RFTN2: variants seen among roughly 807,000 people sequenced by gnomAD.
RFTN2 encodes raftlin-2.
A neutral mutation model predicts 52.7 loss-of-function variants in RFTN2; 34 were observed. That is an observed-to-expected ratio of 0.64 (90% CI 0.49 to 0.86). The LOEUF is 0.86. Among genes scored for constraint, RFTN2 ranks in the 40% least tolerant of loss-of-function variants. The probability of loss-of-function intolerance (pLI) is 0.00; values close to 1 mark genes in which losing one functional copy is unlikely to be tolerated. For missense variants in RFTN2, 536 were observed against 600.1 expected (o/e 0.89, Z 1.12); for synonymous variants, 203 against 217.7 (o/e 0.93, Z 0.59).
intron 8 of RFTN2, among the ~76,000 whole-genome samples, chr2:197,589,034 A>G (rs2087646715): frequency 6.6e-6 from 1 of 152,014 alleles, no homozygotes; most frequent in Admixed American, 6.6e-5. Context: ...CAGCCTGGCC[A>G]ACATAGTGAA....
chr2:197,594,105 T>C (rs1339472458), intron 8 of RFTN2, among the ~76,000 whole-genome samples: 1 of 143,738 alleles, frequency 7.0e-6, no homozygotes, highest in Admixed American at 7.2e-5. Context: ...AACCTCTACC[T>C]CCTGGGTTCA....
At position 197,648,075 on chromosome 2, in the gene RFTN2, G is replaced by A. The variant is rs184639688; in HGVS notation, c.140-1409C>T. Among the ~76,000 whole-genome samples, 13 of 152,276 alleles carry A rather than the reference G, an allele frequency of 8.5e-5. No homozygotes were observed. In the East Asian group the frequency reaches 2.5e-3, roughly 29 times the overall value. ...CCAGATATGAGCCTAGTTGGCTGTT[G>A]ACCTCTGTCAGTGTGGTGAGTGGTG... On this transcript the variant is annotated intron_variant, in intron 1 of 8. Transcript: ENST00000295049.
At chr2:197,581,358 A>G (rs1292492146) in intron 8 of RFTN2, among the ~76,000 whole-genome samples, 1 of 152,074 alleles carries the variant, frequency 6.6e-6, no homozygotes, top group Non-Finnish European at 1.5e-5. Context: ...GATCTTAAAG[A>G]TGCTTTTTTC....
intron 1 of RFTN2, among the ~76,000 whole-genome samples, chr2:197,667,178 G>T (rs763510213): frequency 6.6e-5 from 10 of 151,964 alleles, no homozygotes; most frequent in Non-Finnish European, 1.3e-4. Context: ...CAGAGACGAG[G>T]TTTCACCATG....
chr2:197,616,316 G>A (rs573322645), intron 6 of RFTN2, among the ~76,000 whole-genome samples: 14 of 18,202 alleles, frequency 7.7e-4, no homozygotes, highest in African/African-American at 3.6e-3. Flanking sequence ...TTTAAAGAGA[G>A]GGTCTCATTC....
chr2:197,638,576 GT>G (rs1350860280), intron 3 of RFTN2, among the ~76,000 whole-genome samples: 1,738 of 120,790 alleles, frequency 0.014, 52 homozygotes, highest in African/African-American at 0.057. Context: ...GCCTTTTTTT[GT>G]TTTCCATTTG....
intron 5 of RFTN2, among the ~76,000 whole-genome samples, chr2:197,624,950 A>T (rs1250393934): frequency 6.6e-6 from 1 of 152,128 alleles, no homozygotes; most frequent in Non-Finnish European, 1.5e-5. Context: ...CTCTATCCCC[A>T]AAGAGAAAAA....
chr2:197,627,572 T>A (rs1358646996), intron 5 of RFTN2, among the ~76,000 whole-genome samples: 1 of 152,190 alleles, frequency 6.6e-6, no homozygotes, highest in African/African-American at 2.4e-5. Flanking sequence ...AACATTTTTA[T>A]AGGAGTGGAA....
intron 1 of RFTN2, among the ~76,000 whole-genome samples, chr2:197,663,814 C>A (rs893784748): frequency 6.6e-6 from 1 of 151,854 alleles, no homozygotes; most frequent in Non-Finnish European, 1.5e-5. Context: ...TAGTTCTACT[C>A]TTTATTATTT....
At chr2:197,648,411 A>G (rs1237415074) in intron 1 of RFTN2, among the ~76,000 whole-genome samples, 13 of 152,218 alleles carry the variant, frequency 8.5e-5, no homozygotes, top group Admixed American at 8.5e-4. Context: ...ATGATCTTGG[A>G]CTTTGAAGAA....
At chr2:197,579,385 C>A (rs983781553) in intron 8 of RFTN2, among the ~76,000 whole-genome samples, 1 of 152,208 alleles carries the variant, frequency 6.6e-6, no homozygotes, top group Non-Finnish European at 1.5e-5. Context: ...TCTCCCTTAG[C>A]CTGTGTTCTC....
At chr2:197,579,627 C>T (rs192622593) in intron 8 of RFTN2, among the ~76,000 whole-genome samples, 293 of 152,252 alleles carry the variant, frequency 1.9e-3, no homozygotes, top group Non-Finnish European at 3.5e-3. Context: ...CCCTCCCTAG[C>T]CTCTGTTCCC....
chr2:197,628,667 C>G (rs1449575368), intron 5 of RFTN2, among the ~76,000 whole-genome samples: 1 of 152,078 alleles, frequency 6.6e-6, no homozygotes, highest in Non-Finnish European at 1.5e-5. Context: ...AAACCAACCT[C>G]TAAATAGATG....
chr2:197,623,534 A>G (rs2088302790), intron 5 of RFTN2, among the ~76,000 whole-genome samples: 1 of 152,206 alleles, frequency 6.6e-6, no homozygotes, highest in Non-Finnish European at 1.5e-5. Flanking sequence ...GCTGGAGTGC[A>G]GTGGCACGAT....
At chr2:197,593,270 G>C (rs945243838) in intron 8 of RFTN2, among the ~76,000 whole-genome samples, 1 of 152,236 alleles carries the variant, frequency 6.6e-6, no homozygotes, top group Non-Finnish European at 1.5e-5. Context: ...GCTTGGTACA[G>C]TGGTGAGCAC....
chr2:197,632,077 T>C (rs879831777), intron 4 of RFTN2, among the ~76,000 whole-genome samples: 3 of 152,224 alleles, frequency 2.0e-5, no homozygotes, highest in African/African-American at 7.2e-5. Context: ...TTAAGTACTA[T>C]ATTGGATTTA....
chr2:197,665,305 C>T (rs1350588289), intron 1 of RFTN2, among the ~76,000 whole-genome samples: 2 of 151,670 alleles, frequency 1.3e-5, no homozygotes, highest in South Asian at 2.1e-4. Context: ...TAAATAAATC[C>T]AATGTTTCTT....
intron 7 of RFTN2, among the ~76,000 whole-genome samples, chr2:197,613,771 T>C (rs995081776): frequency 1.3e-5 from 2 of 152,170 alleles, no homozygotes; most frequent in African/African-American, 4.8e-5. Context: ...AATTACAAAA[T>C]GCAAAGGAAC....
At chr2:197,627,873 C>G (rs2106227565) in intron 5 of RFTN2, among the ~76,000 whole-genome samples, 1 of 127,476 alleles carries the variant, frequency 7.8e-6, no homozygotes, top group East Asian at 2.6e-4. Context: ...CATCTGTCCC[C>G]CGCCCCCCCG....
Sources: gnomAD v4.1 joint callset for allele counts (sites outside exome capture counted in the v4.1 genomes callset) on GRCh38, gnomAD v4.1.1 for gene constraint, MANE v1.5 for transcripts, NCBI Gene and HGNC (gene_info 2026-07-23, HGNC 2026-07-21) for gene names.